Variants in GLP2R observed in about 807,000 individuals in gnomAD.
GLP2R encodes the protein glucagon like peptide 2 receptor.
Under a neutral mutation model 68.2 loss-of-function variants are expected in GLP2R, and 59 were observed. That is an observed-to-expected ratio of 0.87 (90% CI 0.70 to 1.07). GLP2R has a LOEUF of 1.07. Ranked by LOEUF, GLP2R falls within the 50% of genes least tolerant of loss-of-function variation. GLP2R has a pLI of 0.00. For missense variants in GLP2R, 548 were observed against 677.4 expected, an observed-to-expected ratio of 0.81 and a Z score of 2.12; for synonymous variants, 270 against 265.4, an observed-to-expected ratio of 1.02 and a Z score of -0.17.
intron 1 of GLP2R, among the ~76,000 whole-genome samples, chr17:9,827,657 G>A (rs2066644561): frequency 6.6e-6 from 1 of 152,112 alleles, no homozygotes; most frequent in African/African-American, 2.4e-5. Context: ...TCTGAATAAC[G>A]AAAGTAGCTT....
intron 5 of GLP2R, among the ~76,000 whole-genome samples, chr17:9,856,550 C>T (rs2066935233): frequency 6.6e-6 from 1 of 152,098 alleles, no homozygotes; most frequent in South Asian, 2.1e-4. Flanking sequence ...TGCAGGAGAC[C>T]CCAGGTGCAT....
At chr17:9,887,369 A>T (rs545919993) in intron 11 of GLP2R, among the ~76,000 whole-genome samples, 8 of 152,344 alleles carry the variant, frequency 5.3e-5, no homozygotes, top group South Asian at 4.1e-4. Flanking sequence ...TGTACTAAAA[A>T]TACAAAAAAT....
intron 3 of GLP2R, among the ~76,000 whole-genome samples, chr17:9,841,461 T>C (rs937498871): frequency 6.6e-6 from 1 of 152,026 alleles, no homozygotes. Flanking sequence ...GAGGTGAAAG[T>C]GGCAGTCAGA....
rs1486831265 is a variant in GLP2R at position 9,869,707 on chromosome 17, C to G, written c.1057-1040C>G. On this transcript the variant is annotated intron_variant, in intron 9 of 12. Coordinates refer to ENST00000262441, the MANE Select transcript of GLP2R (RefSeq NM_004246.3). ...AGTGTCTTCACAAAATGGTGGCTGA[C>G]TTCCCCTGGAGTGAGAAACCTAAGA... Among the ~76,000 whole-genome samples the G allele has an allele frequency of 2.0e-5, 3 of 152,300 alleles. No homozygotes were observed. The East Asian group carries it at 5.8e-4, about 29-fold the overall frequency.
At chr17:9,832,963 T>C (rs1224797722) in intron 1 of GLP2R, among the ~76,000 whole-genome samples, 1 of 151,980 alleles carries the variant, frequency 6.6e-6, no homozygotes, top group Non-Finnish European at 1.5e-5. Context: ...CCGAATTGAC[T>C]TCTCAAGAAT....
At chr17:9,852,181 C>T (rs2066897918) in intron 4 of GLP2R, among the ~76,000 whole-genome samples, 1 of 152,040 alleles carries the variant, frequency 6.6e-6, no homozygotes, top group South Asian at 2.1e-4. Flanking sequence ...TTTTAAGCCC[C>T]ACATGCATTA....
At chr17:9,886,454 A>G (rs1224976949) in intron 11 of GLP2R, among the ~76,000 whole-genome samples, 1 of 152,174 alleles carries the variant, frequency 6.6e-6, no homozygotes. Context: ...ATTTTAGCCA[A>G]CTTGTTTGTG....
chr17:9,880,078 A>G (rs1002416842), intron 10 of GLP2R, among the ~76,000 whole-genome samples: 1 of 152,240 alleles, frequency 6.6e-6, no homozygotes, highest in African/African-American at 2.4e-5. Flanking sequence ...TTGCATGGAA[A>G]TCTATCCATC....
chr17:9,859,948 A>G lies in GLP2R; in HGVS notation c.772A>G (p.Thr258Ala). Reference protein sequence around the residue: ...GWMSYLSEMSTSCRSVQVLLH... With the variant: ...GWMSYLSEMSASCRSVQVLLH... ...GGTGTTTTTTCCTCTGCAGATGTCC[A>G]CCTCCTGCCGCTCAGTCCAGGTTCT... Residue 258 changes from threonine (T) to alanine (A), a missense_variant, in exon 7 of 13, where the codon ACC becomes GCC. Physicochemically the swap from Thr to Ala is moderately conservative, Grantham distance 58 (BLOSUM62 0). Transcript: ENST00000262441. The G allele has an allele frequency of 1.9e-6, 3 of 1,599,426 alleles. No homozygotes were observed. Among genetic ancestry groups the G allele is most frequent in the Non-Finnish European group, 2.6e-6 (3 of 1,173,012 alleles).
intron 6 of GLP2R, among the ~76,000 whole-genome samples, 179 bp from the exon 7 acceptor site, chr17:9,859,763 G>C (rs1004569892): frequency 7.2e-6 from 1 of 139,470 alleles, no homozygotes; most frequent in Admixed American, 7.7e-5. Flanking sequence ...AGGTTGCAGT[G>C]TGAGCTGAGA....
At chr17:9,845,119 C>T (rs1290546607) in intron 4 of GLP2R, among the ~76,000 whole-genome samples, 5 of 151,172 alleles carry the variant, frequency 3.3e-5, no homozygotes, top group African/African-American at 1.2e-4. Flanking sequence ...AGTGCAGTGA[C>T]GCGATCATGG....
At chr17:9,864,001 C>T (rs1168591057) in intron 9 of GLP2R, among the ~76,000 whole-genome samples, 2 of 152,192 alleles carry the variant, frequency 1.3e-5, no homozygotes, top group Admixed American at 6.5e-5. Flanking sequence ...CCTAGGATAG[C>T]GTTGAGGCAT....
Position 9,890,461 on chromosome 17 carries a change from G to A in GLP2R, c.*756G>A, listed in dbSNP as rs2067281921. 1 of 166,834 alleles carries A rather than the reference G, an allele frequency of 6.0e-6. No individual in the cohort carries two copies. 10.3% of individuals were successfully genotyped at this position (166,834 alleles called of 1,614,324 possible). A position where few individuals can be genotyped will look rare whatever the true frequency, so the allele number is the denominator to read the frequency against. On this transcript the variant is annotated 3_prime_UTR_variant, in exon 13 of 13. Transcript: ENST00000262441. The stretch of plus-strand genomic sequence containing the variant: ...TCAGTTCTCTGTCCCTGCACAGCAG[G>A]AGTTCTGCTTGATCCTCCCTTTGAG...
At chr17:9,831,118 C>T (rs1043296189) in intron 1 of GLP2R, among the ~76,000 whole-genome samples, 4 of 152,188 alleles carry the variant, frequency 2.6e-5, no homozygotes, top group African/African-American at 7.2e-5. Context: ...TGCTGCACTC[C>T]CTACTGGTAT....
intron 9 of GLP2R, chr17:9,865,877 T>G: frequency 2.1e-6 from 1 of 471,194 alleles, no homozygotes; most frequent in Non-Finnish European, 4.4e-6. Context: ...AATGGGAGCA[T>G]TCCCTTTGGT....
At chr17:9,880,575 C>T (rs770154856) in intron 11 of GLP2R, 59 bp downstream of exon 11, 43 of 1,201,820 alleles carry the variant, frequency 3.6e-5, no homozygotes, top group Admixed American at 6.6e-5. Flanking sequence ...TGCATGTGGC[C>T]GAAACAGGCT....
At chr17:9,873,402 T>C (rs73257187) in intron 10 of GLP2R, among the ~76,000 whole-genome samples, 33,211 of 151,876 alleles carry the variant, frequency 0.22, 4,426 homozygotes, top group Non-Finnish European at 0.31. Context: ...CCCGGACAGC[T>C]GGCCAGAAGT....
At position 9,843,890 on chromosome 17, in the gene GLP2R, C is replaced by T. The variant is rs188101996; in HGVS notation, c.504+1274C>T. Reference sequence around the variant, plus strand: ...CACTGGGAATAAACAGGGGATAGCACGTGGATACTGCCTCCAGGGAGCTCA... The same window carrying T: ...CACTGGGAATAAACAGGGGATAGCATGTGGATACTGCCTCCAGGGAGCTCA... On this transcript the variant is annotated intron_variant, in intron 4 of 12. Coordinates refer to ENST00000262441, the MANE Select transcript of GLP2R (RefSeq NM_004246.3). Among the ~76,000 whole-genome samples, 404 of 148,366 alleles carry T rather than the reference C, an allele frequency of 2.7e-3. 2 individuals carry two copies. Among genetic ancestry groups the T allele is most frequent in the African/African-American group, 9.7e-3 (384 of 39,706 alleles).
intron 6 of GLP2R, among the ~76,000 whole-genome samples, chr17:9,859,372 A>G (rs994348273): frequency 3.9e-5 from 6 of 152,050 alleles, no homozygotes; most frequent in African/African-American, 1.5e-4. Context: ...TGTTTGTCTA[A>G]AAATGTCTAG....
Sources: allele counts gnomAD v4.1 joint callset (sites outside exome capture counted in the v4.1 genomes callset), GRCh38; gene constraint gnomAD v4.1.1; transcripts MANE v1.5; gene names NCBI Gene and HGNC (gene_info 2026-07-23, HGNC 2026-07-21).